ZAP70: variants seen among roughly 807,000 people sequenced by gnomAD.
ZAP70 encodes tyrosine-protein kinase ZAP-70.
Under a neutral mutation model 65.8 loss-of-function variants are expected in ZAP70, and 27 were observed. The ratio of observed to expected loss-of-function variants is 0.41; its 90% CI spans 0.30 to 0.57. The LOEUF (loss-of-function observed/expected upper bound fraction) is 0.57, where lower values mean the gene tolerates loss of function less well. Among genes scored for constraint, ZAP70 ranks in the 20% least tolerant of loss-of-function variants. The pLI is 0.28. For synonymous variants in ZAP70, 363 were observed against 360.8 expected (o/e 1.01, Z -0.07); for missense variants, 696 against 870.5 (o/e 0.80, Z 2.52).
At chr2:97,739,232 C>T in intron 13 of ZAP70, 143 bp from the exon 14 acceptor site, 1 of 1,323,340 alleles carries the variant, frequency 7.6e-7, no homozygotes, top group South Asian at 1.4e-5. Context: ...CTCCACCACC[C>T]AATGTCCCGC....
intron 2 of ZAP70, among the ~76,000 whole-genome samples, chr2:97,723,144 A>G (rs1197003053): frequency 6.6e-6 from 1 of 152,234 alleles, no homozygotes; most frequent in African/African-American, 2.4e-5. Flanking sequence ...CCTCCCCTCA[A>G]TCACACGTTT....
intron 8 of ZAP70, 39 bp downstream of exon 8, chr2:97,733,634 G>A: frequency 6.2e-7 from 1 of 1,611,680 alleles, no homozygotes; most frequent in Non-Finnish European, 8.5e-7. Flanking sequence ...TGGGGCTCAT[G>A]CTGAGCCGAG....
downstream of ZAP70, among the ~76,000 whole-genome samples, chr2:97,741,072 G>A (rs1678115514): frequency 6.6e-6 from 1 of 152,176 alleles, no homozygotes; most frequent in Non-Finnish European, 1.5e-5. Flanking sequence ...CAGCTGTGAT[G>A]GTTTAGCTTT....
In ZAP70 at chr2:97,731,208, C is replaced by T. The variant is rs542751826; in HGVS notation, c.564-1675C>T. Among the ~76,000 whole-genome samples the T allele has an allele frequency of 1.3e-5, 2 of 152,224 alleles. No homozygotes were observed. The highest frequency in any genetic ancestry group is 4.8e-5 in the African/African-American group (2 of 41,534). On this transcript the variant is annotated intron_variant, in intron 4 of 13. Transcript: ENST00000264972. The surrounding 1 kb of genome is among the most constrained non-coding windows in gnomAD (Gnocchi z 4.0). ...TTCACTTCTCACAGTCCCTGGAGAC[C>T]ATCACCTCCAGGCCAGCCTGCCACC... is the stretch of plus-strand genomic sequence containing the variant.
chr2:97,746,253 G>A, the ZAP70 span, among the ~76,000 whole-genome samples: 212 of 152,258 alleles, frequency 1.4e-3, 1 homozygote, highest in Non-Finnish European at 2.2e-3. Flanking sequence ...AGGGGTGATG[G>A]TTGCACAACA....
the ZAP70 span, among the ~76,000 whole-genome samples, chr2:97,750,658 G>T: frequency 1.3e-5 from 2 of 152,226 alleles, no homozygotes; most frequent in Non-Finnish European, 2.9e-5. Flanking sequence ...GGTAATGGGC[G>T]CATGTTCCAG....
intron 4 of ZAP70, among the ~76,000 whole-genome samples, chr2:97,729,590 C>A (rs1677521283): frequency 6.6e-6 from 1 of 152,090 alleles, no homozygotes; most frequent in Non-Finnish European, 1.5e-5. Context: ...AATCGTGAAC[C>A]AGAGACAGAT....
chr2:97,732,580 T>G (rs529222631), intron 4 of ZAP70: 4 of 488,846 alleles, frequency 8.2e-6, no homozygotes, highest in Non-Finnish European at 1.5e-5. Flanking sequence ...TGTCCCCTCC[T>G]CCGTGGCTGG....
intron 2 of ZAP70, among the ~76,000 whole-genome samples, chr2:97,719,620 G>A (rs1483148381): frequency 2.6e-5 from 4 of 152,038 alleles, no homozygotes; most frequent in Non-Finnish European, 5.9e-5. Context: ...CAGGAGTGTA[G>A]ACAGCCCTTA....
rs779657149 is a variant in ZAP70, at chr2:97,724,375, G to C, written c.339G>C (p.Gly113=). Residue 113 remains glycine (G), a synonymous_variant, in exon 3 of 14, where the codon GGG becomes GGC. Coordinates refer to ENST00000264972, the MANE Select transcript of ZAP70 (RefSeq NM_001079.4). ...NRPSGLEPQP[G]VFDCLRDAMV... is the part of the protein sequence containing the mutation. ...CGTCGGGCCTCGAGCCGCAGCCGGG[G>C]GTCTTCGACTGCCTGCGAGACGCCA... 4 of 1,542,588 alleles carry C rather than the reference G, an allele frequency of 2.6e-6. No individual in the cohort carries two copies. Among genetic ancestry groups the C allele is most frequent in the Non-Finnish European group, 3.5e-6 (4 of 1,144,474 alleles).
chr2:97,742,741 T>A (rs1678161402), downstream of ZAP70, among the ~76,000 whole-genome samples: 1 of 152,204 alleles, frequency 6.6e-6, no homozygotes, highest in African/African-American at 2.4e-5. Context: ...CAACTTCCTG[T>A]TTAATTCTCA....
chr2:97,717,395 G>A (rs1022187651), intron 2 of ZAP70, among the ~76,000 whole-genome samples: 25 of 148,104 alleles, frequency 1.7e-4, no homozygotes, highest in South Asian at 1.1e-3. Flanking sequence ...CTGGCTGGGG[G>A]GACATGCGGA....
At chr2:97,743,172 T>C (rs2104717121), downstream of ZAP70, among the ~76,000 whole-genome samples, 1 of 152,368 alleles carries the variant, frequency 6.6e-6, no homozygotes, top group South Asian at 2.1e-4. Context: ...GCCTTGGTTC[T>C]GGCTCCGTGG....
chr2:97,717,514 C>T (rs1676985319), intron 2 of ZAP70, among the ~76,000 whole-genome samples: 2 of 151,796 alleles, frequency 1.3e-5, no homozygotes, highest in Non-Finnish European at 2.9e-5. Context: ...GCTGGGGGGA[C>T]ATGTGGAGCT....
At chr2:97,729,146 A>C (rs912879734) in intron 4 of ZAP70, among the ~76,000 whole-genome samples, 1 of 152,170 alleles carries the variant, frequency 6.6e-6, no homozygotes, top group Non-Finnish European at 1.5e-5. Flanking sequence ...ATTCACCTCA[A>C]AGACTTTGCA....
chr2:97,741,396 G>A (rs1678125725), downstream of ZAP70, among the ~76,000 whole-genome samples: 1 of 152,018 alleles, frequency 6.6e-6, no homozygotes, highest in Non-Finnish European at 1.5e-5. Flanking sequence ...AGCTCTCCCC[G>A]TCCCCACCGG....
chr2:97,755,604 G>A, the ZAP70 span, among the ~76,000 whole-genome samples: 6 of 152,262 alleles, frequency 3.9e-5, no homozygotes, highest in African/African-American at 1.4e-4. Flanking sequence ...TTGTCTCCAA[G>A]CCATCATTTA....
downstream of ZAP70, among the ~76,000 whole-genome samples, chr2:97,742,661 T>G (rs1003940304): frequency 6.6e-6 from 1 of 152,216 alleles, no homozygotes; most frequent in African/African-American, 2.4e-5. Context: ...GAGCTCAAAT[T>G]AGAGGGCTGT....
chr2:97,724,481 C>T (rs757033990), intron 3 of ZAP70, 43 bp downstream of exon 3: 1 of 1,508,460 alleles, frequency 6.6e-7, no homozygotes, highest in South Asian at 1.3e-5. Flanking sequence ...GGGGCGTGGC[C>T]GAAGAGGGGC....
Sources: allele counts gnomAD v4.1 joint callset (sites outside exome capture counted in the v4.1 genomes callset), GRCh38; gene constraint gnomAD v4.1.1; non-coding constraint Gnocchi (gnomAD v3.1); transcripts MANE v1.5; gene names NCBI Gene and HGNC (gene_info 2026-07-23, HGNC 2026-07-21).